The following THSD4 variants were observed in gnomAD, a reference collection of about 807,000 sequenced individuals.
The protein encoded by THSD4 is thrombospondin type-1 domain-containing protein 4.
Under a neutral mutation model 119.0 loss-of-function variants are expected in THSD4, and 69 were observed. That is an observed-to-expected ratio of 0.58 (90% confidence interval 0.48 to 0.71). The LOEUF (loss-of-function observed/expected upper bound fraction) is 0.71. Among genes scored for constraint, THSD4 ranks in the 30% least tolerant of loss-of-function variants. THSD4 has a pLI of 0.00. For missense variants in THSD4, 1,393 were observed against 1,391.1 expected, an observed-to-expected ratio of 1.00 and a Z score of -0.02; for synonymous variants, 524 against 540.4, an observed-to-expected ratio of 0.97 and a Z score of 0.42.
At chr15:71,235,583 C>CTCT (rs760270376) in intron 4 of THSD4, among the ~76,000 whole-genome samples, 135 of 127,246 alleles carry the variant, frequency 1.1e-3, no homozygotes, top group South Asian at 2.1e-3. Flanking sequence ...CCACCTCTCT[C>CTCT]TTTTTTTTTT....
At chr15:71,708,283 C>G (rs1329499598) in intron 8 of THSD4, among the ~76,000 whole-genome samples, 1 of 152,178 alleles carries the variant, frequency 6.6e-6, no homozygotes, top group Non-Finnish European at 1.5e-5. Flanking sequence ...ATAAAAAGCA[C>G]CACTTCTAGA....
At chr15:71,320,461 G>T (rs1048141445) in intron 6 of THSD4, among the ~76,000 whole-genome samples, 2 of 152,070 alleles carry the variant, frequency 1.3e-5, no homozygotes, top group Non-Finnish European at 2.9e-5. Context: ...CTCTCCTTTG[G>T]ATCACAAACT....
At chr15:71,237,405 G>C (rs1177927466) in intron 4 of THSD4, among the ~76,000 whole-genome samples, 1 of 152,162 alleles carries the variant, frequency 6.6e-6, no homozygotes, top group African/African-American at 2.4e-5. Flanking sequence ...CAAGTTTAAG[G>C]ACTACTGAGA....
chr15:71,130,363 T>C (rs2038559632), intron 1 of THSD4, among the ~76,000 whole-genome samples: 1 of 152,104 alleles, frequency 6.6e-6, no homozygotes, highest in Admixed American at 6.5e-5. Context: ...TTTTTTGTAT[T>C]TTTTGTAGAG....
rs187365525 is a variant in THSD4 at position 71,623,146 on chromosome 15, G to A, written c.1153-37384G>A. 2.6e-4 allele frequency among the ~76,000 whole-genome samples: 39 copies of A among 152,242 alleles called. 1 individual carries two copies. Among genetic ancestry groups the A allele is most frequent in the Admixed American group, 2.3e-3 (35 of 15,300 alleles). The stretch of plus-strand genomic sequence containing the variant: ...TGCCACTGGAAAGAATTGGAGGGAA[G>A]GGGTAATGAAGAGGAAAACTGAGTG... On this transcript the variant is annotated intron_variant, in intron 7 of 17. Transcript: ENST00000261862.
chr15:71,332,252 G>A (rs906656585), intron 6 of THSD4, among the ~76,000 whole-genome samples: 1 of 152,238 alleles, frequency 6.6e-6, no homozygotes, highest in Non-Finnish European at 1.5e-5. Flanking sequence ...GAGCACAGCA[G>A]CTGGAGCCGT....
intron 8 of THSD4, among the ~76,000 whole-genome samples, chr15:71,709,849 G>T (rs763252886): frequency 6.6e-6 from 1 of 152,118 alleles, no homozygotes; most frequent in Admixed American, 6.6e-5. Context: ...TGGGAGTGAG[G>T]CCCAGGCATC....
intron 6 of THSD4, among the ~76,000 whole-genome samples, chr15:71,342,023 T>C (rs2045585127): frequency 6.6e-6 from 1 of 152,108 alleles, no homozygotes; most frequent in Non-Finnish European, 1.5e-5. Context: ...TAGATGAGGA[T>C]AGTCACAGCT....
chr15:71,272,375 G>T (rs1337995276), intron 6 of THSD4, among the ~76,000 whole-genome samples: 1 of 140,474 alleles, frequency 7.1e-6, no homozygotes, highest in Non-Finnish European at 1.5e-5. Flanking sequence ...TCCAGCCAGG[G>T]GACAAAGTGA....
In THSD4 at chr15:71,584,267, T is replaced by C. The variant is rs1254178399; in HGVS notation, c.1153-76263T>C. Among the ~76,000 whole-genome samples, 6 of 94,886 alleles carry C rather than the reference T, an allele frequency of 6.3e-5. No individual in the cohort carries two copies. In the East Asian group the frequency reaches 1.0e-3, roughly 16 times the overall value. 62.2% of individuals were successfully genotyped at this position (94,886 alleles called of 152,430 possible). A position where few individuals can be genotyped will look rare whatever the true frequency, so the allele number is the denominator to read the frequency against. On this transcript the variant is annotated intron_variant, in intron 7 of 17. Coordinates refer to ENST00000261862, the MANE Select transcript of THSD4 (RefSeq NM_024817.3). The stretch of plus-strand genomic sequence containing the variant: ...TGGATTTTTTTTTTCACTTTCTTTT[T>C]TTTTTTTTTTTTTTTTTTGAGACAA...
chr15:71,735,680 CACTT>C lies in THSD4; in HGVS notation c.1631-2051_1631-2048del, dbSNP rs568291180. The stretch of plus-strand genomic sequence containing the variant: ...TCTCTCTCTCGTTCTCTGTCTCTCT[CACTT>C]TCTGTCTCTGTCTCTGTCTCTCTTG... On this transcript the variant is annotated intron_variant, in intron 10 of 17. Transcript: ENST00000261862. Among the ~76,000 whole-genome samples, 273 of 150,964 alleles carry C rather than the reference CACTT, an allele frequency of 1.8e-3. 1 individual carries two copies. The highest frequency in any genetic ancestry group is 5.3e-3 in the African/African-American group (217 of 41,008).
upstream of THSD4, chr15:71,110,926 T>G: frequency 1.8e-6 from 1 of 558,352 alleles, no homozygotes; most frequent in Non-Finnish European, 3.2e-6. Context: ...AGATCTCCAT[T>G]GTCTAGGCCT....
intron 8 of THSD4, among the ~76,000 whole-genome samples, chr15:71,716,561 G>GGTGTGTGT (rs57999390): frequency 2.2e-4 from 32 of 144,602 alleles, no homozygotes; most frequent in African/African-American, 3.8e-4. Flanking sequence ...TAGAGTGTGG[G>GGTGTGTGT]GTGTGTGTGT....
chr15:71,096,919 C>G (rs2040233186), upstream of THSD4: 2 of 152,176 alleles, frequency 1.3e-5, no homozygotes, highest in South Asian at 4.1e-4. Flanking sequence ...TGATCGAGAC[C>G]AGATAAGCCT....
intron 7 of THSD4, among the ~76,000 whole-genome samples, chr15:71,574,181 G>A (rs2049407203): frequency 1.3e-5 from 2 of 152,144 alleles, no homozygotes; most frequent in African/African-American, 4.8e-5. Context: ...CTTAGTTCAA[G>A]TATATGCCTT....
chr15:71,162,276 A>C (rs1048233595), intron 3 of THSD4, among the ~76,000 whole-genome samples: 1 of 152,010 alleles, frequency 6.6e-6, no homozygotes, highest in Non-Finnish European at 1.5e-5. Flanking sequence ...GTTTCCAGCT[A>C]TAGCAATTCT....
At chr15:71,645,340 GA>G (rs2050947823) in intron 7 of THSD4, among the ~76,000 whole-genome samples, 1 of 152,176 alleles carries the variant, frequency 6.6e-6, no homozygotes, top group Non-Finnish European at 1.5e-5. Flanking sequence ...TTCTTCACAT[GA>G]TGGCAGGAAG....
At chr15:71,192,897 G>A (rs1372479496) in intron 3 of THSD4, among the ~76,000 whole-genome samples, 2 of 152,230 alleles carry the variant, frequency 1.3e-5, no homozygotes, top group East Asian at 3.9e-4. Flanking sequence ...GTAATCTCTT[G>A]TTAGATTAGT....
intron 1 of THSD4, among the ~76,000 whole-genome samples, chr15:71,117,245 A>G (rs2040371038): frequency 6.6e-6 from 1 of 152,232 alleles, no homozygotes; most frequent in African/African-American, 2.4e-5. Flanking sequence ...CTCCTATGCC[A>G]TAAAGAAATA....
Sources: allele counts gnomAD v4.1 joint callset (sites outside exome capture counted in the v4.1 genomes callset), GRCh38; gene constraint gnomAD v4.1.1; transcripts MANE v1.5; gene names NCBI Gene and HGNC (gene_info 2026-07-23, HGNC 2026-07-21).